The following NCAM2 variants were observed in gnomAD, a reference collection of about 807,000 sequenced individuals.
NCAM2 encodes neural cell adhesion molecule 2.
Under a neutral mutation model 98.1 loss-of-function variants are expected in NCAM2, and 30 were observed. The ratio of observed to expected loss-of-function variants is 0.31; its 90% CI spans 0.23 to 0.41. The LOEUF (loss-of-function observed/expected upper bound fraction) is 0.41. Among genes scored for constraint, NCAM2 ranks in the 10% least tolerant of loss-of-function variants. The pLI is 1.00. For synonymous variants in NCAM2, 368 were observed against 342.4 expected (o/e 1.07, Z -0.83); for missense variants, 867 against 1,005.8 (o/e 0.86, Z 1.87).
chr21:21,108,245 T>G (rs570393351), intron 1 of NCAM2, among the ~76,000 whole-genome samples: 3 of 152,214 alleles, frequency 2.0e-5, no homozygotes, highest in Middle Eastern at 3.4e-3. Flanking sequence ...TAATAAACAC[T>G]TATTAAAATG....
chr21:21,438,671 A>G (rs989505605), intron 12 of NCAM2, among the ~76,000 whole-genome samples: 70 of 152,318 alleles, frequency 4.6e-4, no homozygotes, highest in African/African-American at 1.7e-3. Context: ...GCCAAATCAT[A>G]TAATATTTTG....
intron 1 of NCAM2, among the ~76,000 whole-genome samples, chr21:21,187,171 C>T (rs1373717029): frequency 3.3e-5 from 5 of 151,922 alleles, no homozygotes; most frequent in Non-Finnish European, 7.4e-5. Flanking sequence ...TTGCAGTGAG[C>T]CAAGATAGCG....
At chr21:21,146,336 A>G (rs2067273406) in intron 1 of NCAM2, among the ~76,000 whole-genome samples, 1 of 151,520 alleles carries the variant, frequency 6.6e-6, no homozygotes, top group South Asian at 2.1e-4. Flanking sequence ...AATGTTATAG[A>G]GGGAAAATTG....
intron 1 of NCAM2, among the ~76,000 whole-genome samples, chr21:21,048,338 C>G (rs575641028): frequency 3.0e-4 from 45 of 152,184 alleles, no homozygotes; most frequent in Non-Finnish European, 5.1e-4. Context: ...GTTGTCCCCC[C>G]TTTCTGAACC....
intron 9 of NCAM2, among the ~76,000 whole-genome samples, chr21:21,393,527 A>C (rs2076427896): frequency 6.6e-6 from 1 of 152,142 alleles, no homozygotes; most frequent in Non-Finnish European, 1.5e-5. Context: ...TAACCTAATA[A>C]GTATTGGATA....
intron 1 of NCAM2, among the ~76,000 whole-genome samples, chr21:21,036,708 G>C (rs2064806071): frequency 6.6e-6 from 1 of 152,124 alleles, no homozygotes; most frequent in Non-Finnish European, 1.5e-5. Context: ...TTTCCCTGGA[G>C]GTGGGTGGCA....
At chr21:21,229,220 T>C (rs1191173047) in intron 1 of NCAM2, among the ~76,000 whole-genome samples, 1 of 151,582 alleles carries the variant, frequency 6.6e-6, no homozygotes, top group Non-Finnish European at 1.5e-5. Flanking sequence ...AAATGCATTA[T>C]CAAATGCCTG....
At chr21:21,407,718 T>C (rs1332033053) in intron 9 of NCAM2, among the ~76,000 whole-genome samples, 1 of 152,192 alleles carries the variant, frequency 6.6e-6, no homozygotes, top group Non-Finnish European at 1.5e-5. Context: ...TTTAAAGATA[T>C]AGATATAGAC....
At chr21:21,146,013 C>A (rs934891608) in intron 1 of NCAM2, among the ~76,000 whole-genome samples, 3 of 152,038 alleles carry the variant, frequency 2.0e-5, no homozygotes, top group Non-Finnish European at 2.9e-5. Context: ...AGCAGTTCTG[C>A]CTGGAAACTT....
At chr21:21,531,992 C>CA (rs71696991) in intron 16 of NCAM2, among the ~76,000 whole-genome samples, 58,739 of 146,520 alleles carry the variant, frequency 0.4, 12,286 homozygotes, top group Non-Finnish European at 0.48. Context: ...GACTCCGTCT[C>CA]AAAAAAAAAG....
At chr21:21,110,388 G>T (rs370260399) in intron 1 of NCAM2, among the ~76,000 whole-genome samples, 1 of 151,962 alleles carries the variant, frequency 6.6e-6, no homozygotes, top group Non-Finnish European at 1.5e-5. Context: ...CCCAGTTTGG[G>T]TTTAAGCCTG....
intron 8 of NCAM2, among the ~76,000 whole-genome samples, chr21:21,353,238 T>C (rs1041378420): frequency 1.3e-5 from 2 of 152,224 alleles, no homozygotes; most frequent in African/African-American, 4.8e-5. Context: ...TTTTAAAGCA[T>C]AGTCCTATGT....
chr21:21,042,178 C>G (rs2064919545), intron 1 of NCAM2, among the ~76,000 whole-genome samples: 1 of 152,060 alleles, frequency 6.6e-6, no homozygotes, highest in Non-Finnish European at 1.5e-5. Flanking sequence ...AATATCTCTA[C>G]TTGCTTTCTG....
chr21:21,041,545 C>T (rs2064904842), intron 1 of NCAM2, among the ~76,000 whole-genome samples: 2 of 152,206 alleles, frequency 1.3e-5, no homozygotes, highest in African/African-American at 2.4e-5. Flanking sequence ...GCTTCCTTAT[C>T]TCAACAGGTT....
intron 12 of NCAM2, among the ~76,000 whole-genome samples, chr21:21,445,554 T>C (rs1056527744): frequency 6.6e-6 from 1 of 152,192 alleles, no homozygotes; most frequent in Admixed American, 6.5e-5. Context: ...TAGTTAGCTC[T>C]TCTCGTTGAC....
chr21:21,268,569 G>A (rs998349672), intron 1 of NCAM2, among the ~76,000 whole-genome samples: 1 of 152,116 alleles, frequency 6.6e-6, no homozygotes, highest in East Asian at 1.9e-4. Flanking sequence ...CTCCAATTTC[G>A]TTATATCAGC....
intron 1 of NCAM2, among the ~76,000 whole-genome samples, chr21:21,198,403 TACTTTACTGGAAAGAA>T (rs2069090275): frequency 3.3e-5 from 5 of 152,170 alleles, no homozygotes; most frequent in Non-Finnish European, 5.9e-5. Context: ...GGCCGGAATG[TACTTTACTGGAAAGAA>T]AATGATATAA....
At chr21:21,153,445 A>G (rs1389877168) in intron 1 of NCAM2, among the ~76,000 whole-genome samples, 3 of 151,922 alleles carry the variant, frequency 2.0e-5, no homozygotes, top group Admixed American at 6.6e-5. Flanking sequence ...TAACTGAATT[A>G]CACACAACAT....
chr21:21,092,761 C>T (rs140358514), intron 1 of NCAM2, among the ~76,000 whole-genome samples: 5 of 151,774 alleles, frequency 3.3e-5, no homozygotes, highest in East Asian at 1.9e-4. Context: ...ATACCGTAGA[C>T]GTGTTTCAAA....
Sources: allele counts gnomAD v4.1 joint callset (sites outside exome capture counted in the v4.1 genomes callset), GRCh38; gene constraint gnomAD v4.1.1; transcripts MANE v1.5; gene names NCBI Gene and HGNC (gene_info 2026-07-23, HGNC 2026-07-21).